CFAP47: variants seen among roughly 807,000 people sequenced by gnomAD.
CFAP47 encodes the protein cilia- and flagella-associated protein 47.
CFAP47 carries 29 observed loss-of-function variants against 148.1 expected under a neutral mutation model. The observed-to-expected ratio is 0.20, with a 90% CI of 0.15 to 0.27. CFAP47 has a LOEUF of 0.27. CFAP47 is among the 10% of genes least tolerant of loss of function. CFAP47 has a pLI of 1.00. For missense variants in CFAP47, 1,872 were observed against 1,697.5 expected, an observed-to-expected ratio of 1.10 and a Z score of -1.81; for synonymous variants, 664 against 577.3, an observed-to-expected ratio of 1.15 and a Z score of -2.15.
intron 22 of CFAP47, among the ~76,000 whole-genome samples, chrX:36,026,109 C>T (rs184653270): frequency 9.0e-6 from 1 of 111,522 alleles, no homozygotes; most frequent in East Asian, 2.8e-4. Context: ...GATGTAAAAT[C>T]AGACTTACTT....
At position 35,975,743 on chromosome X, in the gene CFAP47, C is replaced by T. The variant is rs1569221532; in HGVS notation, c.2543C>T (p.Thr848Ile). The T allele has an allele frequency of 8.3e-7, 1 of 1,209,141 alleles. No individual in the cohort carries two copies. Among genetic ancestry groups the T allele is most frequent in the Non-Finnish European group, 1.1e-6 (1 of 893,170 alleles). The change falls in exon 15 of 64, where the codon ACA (threonine) becomes ATA (isoleucine). Residue 848 changes from threonine (T) to isoleucine (I), a missense_variant. Transcript: ENST00000378653. ...GTGGTGGCAGTTGTCCAGCCAGTAA[C>T]ACTTGAGCTATCTTCTAATGAGCTA... The part of the protein sequence containing the change: ...ILVVAVVQPV[T>I]LELSSNELVL...
At chrX:36,146,562 C>A (rs1939235945) in intron 36 of CFAP47, among the ~76,000 whole-genome samples, 1 of 110,748 alleles carries the variant, frequency 9.0e-6, no homozygotes, top group South Asian at 3.8e-4. Flanking sequence ...CAAGATAAAA[C>A]AAATTACAAC....
chrX:36,319,134 C>A, intron 56 of CFAP47, 75 bp from the exon 57 acceptor site: 1 of 476,685 alleles, frequency 2.1e-6, no homozygotes, highest in Non-Finnish European at 3.4e-6. Flanking sequence ...AATTTTTATT[C>A]TATTTCCATC....
chrX:36,029,029 G>C (rs750021462), intron 22 of CFAP47, among the ~76,000 whole-genome samples: 1 of 110,528 alleles, frequency 9.0e-6, no homozygotes, highest in South Asian at 3.7e-4. Context: ...TTGGGTGGTA[G>C]ATTTCTTTTT....
At chrX:36,235,689 A>G (rs1358509059) in intron 46 of CFAP47, among the ~76,000 whole-genome samples, 1 of 112,438 alleles carries the variant, frequency 8.9e-6, no homozygotes, top group Non-Finnish European at 1.9e-5. Context: ...ATGGAAATGC[A>G]GAAATCACCC....
At chrX:35,990,520 T>A (rs757953418) in intron 16 of CFAP47, among the ~76,000 whole-genome samples, 1 of 111,503 alleles carries the variant, frequency 9.0e-6, no homozygotes, top group Non-Finnish European at 1.9e-5. Flanking sequence ...CATTTTTCGA[T>A]AAGCAAAGTG....
At chrX:36,115,142 C>T (rs1390031242) in intron 33 of CFAP47, among the ~76,000 whole-genome samples, 2 of 112,131 alleles carry the variant, frequency 1.8e-5, no homozygotes, top group Non-Finnish European at 3.8e-5. Context: ...TGGAATACAT[C>T]TTCCTTGTCT....
intron 10 of CFAP47, among the ~76,000 whole-genome samples, chrX:35,969,259 G>C (rs1463525423): frequency 1.8e-5 from 2 of 110,937 alleles, no homozygotes; most frequent in African/African-American, 6.5e-5. Context: ...AAGTTTTATA[G>C]TGTATTTACT....
rs774544838 is a variant in CFAP47, at chrX:35,967,627, C to T, written c.1609C>T (p.Pro537Ser). The T allele has an allele frequency of 5.0e-6, 6 of 1,203,014 alleles. No individual in the cohort carries two copies. Among genetic ancestry groups the T allele is most frequent in the Middle Eastern group, 2.3e-4 (1 of 4,325 alleles). Reference protein sequence around the residue: ...VVMKFDPGILPSIRNPTGKFV... With the variant: ...VVMKFDPGILSSIRNPTGKFV... ...ATTCAATTCTATAAAAGGTATATTG[C>T]CTTCGATCCGTAATCCCACGGGAAA... The change falls in exon 10 of 64, where the codon CCT (proline) becomes TCT (serine). Residue 537 changes from proline to serine, a missense_variant. By Grantham distance (74) the Pro-to-Ser change is moderately conservative (BLOSUM62 -1). Coordinates refer to ENST00000378653, the MANE Select transcript of CFAP47 (RefSeq NM_001304548.2).
At chrX:36,241,996 G>A (rs782028787) in intron 48 of CFAP47, among the ~76,000 whole-genome samples, 1 of 111,636 alleles carries the variant, frequency 9.0e-6, no homozygotes, top group Non-Finnish European at 1.9e-5. Flanking sequence ...AAAGAGTCAC[G>A]TGGCTGTGTA....
chrX:36,180,552 A>G (rs1464801319), intron 40 of CFAP47, among the ~76,000 whole-genome samples: 1 of 112,343 alleles, frequency 8.9e-6, no homozygotes, highest in Non-Finnish European at 1.9e-5. Flanking sequence ...TCCCAGTGTC[A>G]TTAGAAACCG....
At chrX:36,240,484 A>G (rs782540363) in intron 48 of CFAP47, among the ~76,000 whole-genome samples, 10 of 111,733 alleles carry the variant, frequency 8.9e-5, no homozygotes, top group Non-Finnish European at 1.5e-4. Flanking sequence ...GACGAGTACA[A>G]TGAGAATTAT....
At chrX:36,102,721 A>G (rs758853752) in intron 32 of CFAP47, among the ~76,000 whole-genome samples, 2 of 111,934 alleles carry the variant, frequency 1.8e-5, no homozygotes, top group East Asian at 5.7e-4. Context: ...GCTGTACTCA[A>G]GTAATTTATC....
At chrX:36,289,228 G>A (rs898414391) in intron 51 of CFAP47, among the ~76,000 whole-genome samples, 1 of 109,492 alleles carries the variant, frequency 9.1e-6, no homozygotes, top group Admixed American at 9.8e-5. Context: ...TTGAACTCCC[G>A]ACCTCAGATG....
chrX:36,116,602 GC>G (rs1162104095), intron 33 of CFAP47, among the ~76,000 whole-genome samples: 1 of 111,576 alleles, frequency 9.0e-6, no homozygotes, highest in Non-Finnish European at 1.9e-5. Flanking sequence ...CATTAAATTA[GC>G]CTTTTTCTTA....
intron 44 of CFAP47, among the ~76,000 whole-genome samples, chrX:36,204,102 G>GT (rs1446355391): frequency 9.1e-6 from 1 of 110,484 alleles, no homozygotes; most frequent in African/African-American, 3.3e-5. Flanking sequence ...GGGGTCGTTT[G>GT]TTTTTTCTTG....
chrX:36,169,834 G>A (rs1223187384), intron 39 of CFAP47, among the ~76,000 whole-genome samples: 2 of 111,649 alleles, frequency 1.8e-5, no homozygotes, highest in Non-Finnish European at 3.8e-5. Flanking sequence ...AATTGCTGTG[G>A]ATTGATTTCA....
intron 49 of CFAP47, among the ~76,000 whole-genome samples, chrX:36,262,033 T>C (rs782261153): frequency 3.6e-4 from 41 of 112,431 alleles, no homozygotes; most frequent in African/African-American, 1.1e-3. Context: ...TAGTTTCAAG[T>C]CAGGTAGTGT....
In CFAP47 at chrX:36,303,815, A is replaced by C. The variant is rs979360387; in HGVS notation, c.7971-34A>C. The C allele has an allele frequency of 1.5e-5, 12 of 808,015 alleles. No homozygotes were observed. In the African/African-American group the frequency reaches 2.4e-4, roughly 16 times the overall value. 66.6% of individuals were successfully genotyped at this position (808,015 alleles called of 1,213,427 possible). On this transcript the variant is annotated intron_variant, in intron 53 of 63. Transcript: ENST00000378653. ...ATTAACACTAAATAAGTTTATGAAT[A>C]CCAGCAACTTTACTAGCTTTTTTTT...
Sources: gnomAD v4.1 joint callset for allele counts (sites outside exome capture counted in the v4.1 genomes callset) on GRCh38, gnomAD v4.1.1 for gene constraint, MANE v1.5 for transcripts, NCBI Gene and HGNC (gene_info 2026-07-23, HGNC 2026-07-21) for gene names.